Variants in SLC9C1 observed in about 807,000 individuals in gnomAD.
SLC9C1 encodes the protein sodium/hydrogen exchanger 10.
SLC9C1 carries 97 observed loss-of-function variants against 140.9 expected under a neutral mutation model. The observed-to-expected ratio is 0.69, with a 90% CI of 0.58 to 0.82. SLC9C1 has a LOEUF of 0.82. Among genes scored for constraint, SLC9C1 ranks in the 40% least tolerant of loss-of-function variants. The pLI, the probability that SLC9C1 is intolerant of heterozygous loss-of-function variation, is 0.00. For synonymous variants in SLC9C1, 440 were observed against 442.6 expected, an observed-to-expected ratio of 0.99 and a Z score of 0.07; for missense variants, 1,340 against 1,389.3, an observed-to-expected ratio of 0.96 and a Z score of 0.56.
intron 10 of SLC9C1, among the ~76,000 whole-genome samples, chr3:112,253,441 G>T (rs1317476576): frequency 6.6e-6 from 1 of 152,086 alleles, no homozygotes; most frequent in Non-Finnish European, 1.5e-5. Context: ...CCAAGCAAGA[G>T]CCCACCAACT....
chr3:112,165,642 G>A (rs1199026661), intron 26 of SLC9C1, among the ~76,000 whole-genome samples: 1 of 152,206 alleles, frequency 6.6e-6, no homozygotes, highest in Non-Finnish European at 1.5e-5. Flanking sequence ...TTTTGTCTCA[G>A]AGGAGTACCT....
At position 112,208,203 on chromosome 3, in the gene SLC9C1, A is replaced by G; in HGVS notation, c.1961T>C (p.Leu654Pro). ...CTTAAGTAGTGCCTCTAGAATATAA[A>G]GTGTAAGAAAACAGTAGTTAGTGTG... ...LKHTNYCFLTLYILEALLKIA... is the reference protein window; with the variant it reads ...LKHTNYCFLTPYILEALLKIA... Residue 654 changes from leucine to proline, a missense_variant, in exon 16 of 29, where the codon CTT becomes CCT. Physicochemically the swap from Leu to Pro is moderately conservative, Grantham distance 98 (BLOSUM62 -3). Transcript: ENST00000305815. 1 of 1,609,172 alleles carries G rather than the reference A, an allele frequency of 6.2e-7. No individual in the cohort carries two copies. Among genetic ancestry groups the G allele is most frequent in the Non-Finnish European group, 8.5e-7 (1 of 1,178,172 alleles).
intron 10 of SLC9C1, 149 bp downstream of exon 10, chr3:112,262,775 T>C (rs1490873811): frequency 3.5e-6 from 2 of 576,008 alleles, no homozygotes; most frequent in Admixed American, 4.2e-5. Flanking sequence ...TTGCCAGTTG[T>C]TCCTCCTCTC....
chr3:112,263,717 T>C (rs992323939), intron 9 of SLC9C1, among the ~76,000 whole-genome samples: 4 of 151,934 alleles, frequency 2.6e-5, no homozygotes, highest in African/African-American at 7.2e-5. Flanking sequence ...TCTCACTCTA[T>C]GCTATCTCCT....
intron 2 of SLC9C1, among the ~76,000 whole-genome samples, chr3:112,285,539 C>T (rs2080484684): frequency 6.6e-6 from 1 of 152,100 alleles, no homozygotes; most frequent in Admixed American, 6.5e-5. Flanking sequence ...CCGTGCCCAG[C>T]CAGGAGAGTT....
intron 10 of SLC9C1, among the ~76,000 whole-genome samples, chr3:112,251,176 T>C (rs2079446446): frequency 6.6e-6 from 1 of 152,034 alleles, no homozygotes; most frequent in Non-Finnish European, 1.5e-5. Flanking sequence ...AGCTGAAACA[T>C]CCAGGTACAC....
At chr3:112,288,642 T>C (rs984756122) in intron 1 of SLC9C1, among the ~76,000 whole-genome samples, 3 of 152,152 alleles carry the variant, frequency 2.0e-5, no homozygotes, top group African/African-American at 7.2e-5. Context: ...TGGTCCTAGC[T>C]ACTCAGGAGG....
intron 28 of SLC9C1, among the ~76,000 whole-genome samples, chr3:112,146,329 T>C (rs1576195467): frequency 6.6e-6 from 1 of 152,294 alleles, no homozygotes; most frequent in South Asian, 2.1e-4. Flanking sequence ...CTTTTCTGAT[T>C]TTAGTTATTT....
chr3:112,165,696 C>T (rs2077113756), intron 26 of SLC9C1, among the ~76,000 whole-genome samples: 1 of 152,180 alleles, frequency 6.6e-6, no homozygotes, highest in Admixed American at 6.5e-5. Flanking sequence ...GGGTGCCTCC[C>T]AGTTAGGCTA....
At chr3:112,243,379 C>T (rs1291499200) in intron 11 of SLC9C1, among the ~76,000 whole-genome samples, 1 of 152,082 alleles carries the variant, frequency 6.6e-6, no homozygotes, top group Non-Finnish European at 1.5e-5. Context: ...TGGATAAAGC[C>T]AGAGACCACT....
intron 28 of SLC9C1, among the ~76,000 whole-genome samples, chr3:112,145,792 G>A (rs1324947630): frequency 1.3e-5 from 2 of 151,924 alleles, no homozygotes; most frequent in Non-Finnish European, 2.9e-5. Context: ...TTGTGGGAGA[G>A]ACCCGAAGGC....
chr3:112,289,684 G>GA (rs1436831674), intron 1 of SLC9C1, among the ~76,000 whole-genome samples: 1 of 152,202 alleles, frequency 6.6e-6, no homozygotes, highest in East Asian at 1.9e-4. Context: ...TCCTATCTCT[G>GA]AGTATTAGAT....
At chr3:112,278,255 C>T (rs746611801) in intron 4 of SLC9C1, among the ~76,000 whole-genome samples, 6 of 152,154 alleles carry the variant, frequency 3.9e-5, no homozygotes, top group African/African-American at 9.7e-5. Context: ...TTCTTGAGGT[C>T]TTTCCCTGAT....
intron 28 of SLC9C1, among the ~76,000 whole-genome samples, chr3:112,150,058 C>T (rs2074912690): frequency 6.6e-6 from 1 of 152,168 alleles, no homozygotes; most frequent in African/African-American, 2.4e-5. Flanking sequence ...TTTCCTCCTA[C>T]CCCAGACTTG....
At chr3:112,163,868 G>A (rs1206276227) in intron 26 of SLC9C1, among the ~76,000 whole-genome samples, 1 of 151,776 alleles carries the variant, frequency 6.6e-6, no homozygotes, top group South Asian at 2.1e-4. Flanking sequence ...TGTTGACAGT[G>A]GGGTGTTAAA....
chr3:112,260,547 A>G (rs1452620875), intron 10 of SLC9C1, among the ~76,000 whole-genome samples: 1 of 152,146 alleles, frequency 6.6e-6, no homozygotes, highest in African/African-American at 2.4e-5. Context: ...AGTCTTGATT[A>G]CATTGTCTTC....
At chr3:112,226,815 G>A (rs1334959481) in intron 13 of SLC9C1, among the ~76,000 whole-genome samples, 1 of 151,660 alleles carries the variant, frequency 6.6e-6, no homozygotes, top group African/African-American at 2.4e-5. Context: ...CCAAAATTAA[G>A]TCAAGGAAAG....
intron 28 of SLC9C1, among the ~76,000 whole-genome samples, chr3:112,148,801 A>G (rs930172132): frequency 2.0e-5 from 3 of 152,206 alleles, no homozygotes; most frequent in Non-Finnish European, 1.5e-5. Context: ...TTGACTGGGC[A>G]GGTCTGTCTG....
chr3:112,143,307 A>T (rs1016619891), intron 28 of SLC9C1, among the ~76,000 whole-genome samples: 2 of 152,276 alleles, frequency 1.3e-5, no homozygotes, highest in East Asian at 3.9e-4. Flanking sequence ...GTTCTTTGAG[A>T]AATCTCCAAA....
Sources: gnomAD v4.1 joint callset for allele counts (sites outside exome capture counted in the v4.1 genomes callset) on GRCh38, gnomAD v4.1.1 for gene constraint, MANE v1.5 for transcripts, NCBI Gene and HGNC (gene_info 2026-07-23, HGNC 2026-07-21) for gene names.